Variants in FOXJ3 observed in about 807,000 individuals in gnomAD.
FOXJ3 encodes forkhead box protein J3.
In FOXJ3, 22 loss-of-function variants were observed where a neutral mutation model predicts 76.1. The ratio of observed to expected loss-of-function variants is 0.29; its 90% CI spans 0.21 to 0.41. The LOEUF is 0.41. Among genes scored for constraint, FOXJ3 ranks in the 10% least tolerant of loss-of-function variants. The probability of loss-of-function intolerance (pLI) is 1.00; values close to 1 mark genes in which losing one functional copy is unlikely to be tolerated. For synonymous variants in FOXJ3, 269 were observed against 261.2 expected, an observed-to-expected ratio of 1.03 and a Z score of -0.29; for missense variants, 613 against 762.1, an observed-to-expected ratio of 0.80 and a Z score of 2.30.
At chr1:42,316,333 C>CGTTTTTTTTTTTTT (rs1322633444) in intron 1 of FOXJ3, among the ~76,000 whole-genome samples, 5 of 73,912 alleles carry the variant, frequency 6.8e-5, no homozygotes, top group African/African-American at 2.2e-4. Flanking sequence ...TGCATTGGGC[C>CGTTTTTTTTTTTTT]TTTTTTTTTT....
intron 4 of FOXJ3, among the ~76,000 whole-genome samples, chr1:42,242,260 A>T (rs954876366): frequency 1.3e-5 from 2 of 152,156 alleles, no homozygotes; most frequent in African/African-American, 4.8e-5. Context: ...AATAGATTCC[A>T]ATGAAAACGA....
intron 4 of FOXJ3, among the ~76,000 whole-genome samples, chr1:42,244,707 G>T (rs1236622662): frequency 6.6e-6 from 1 of 151,294 alleles, no homozygotes; most frequent in Non-Finnish European, 1.5e-5. Flanking sequence ...AAAAGAAGAT[G>T]TAACAACTGA....
intron 1 of FOXJ3, among the ~76,000 whole-genome samples, chr1:42,325,855 C>T (rs1466230326): frequency 6.6e-6 from 1 of 152,212 alleles, no homozygotes; most frequent in Non-Finnish European, 1.5e-5. Flanking sequence ...ACTTAATACA[C>T]TCACAACTTG....
intron 4 of FOXJ3, 45 bp from the exon 5 acceptor site, chr1:42,228,011 A>G: frequency 1.0e-6 from 1 of 991,624 alleles, no homozygotes; most frequent in Non-Finnish European, 1.5e-6. Context: ...CAGCAAACCT[A>G]TGATATTAAA....
At chr1:42,258,352 G>A (rs1378094227) in intron 4 of FOXJ3, among the ~76,000 whole-genome samples, 1 of 152,142 alleles carries the variant, frequency 6.6e-6, no homozygotes, top group African/African-American at 2.4e-5. Context: ...CAGATCTAGA[G>A]CAACCATACT....
At chr1:42,332,455 A>C (rs1272440660) in intron 1 of FOXJ3, among the ~76,000 whole-genome samples, 2 of 152,234 alleles carry the variant, frequency 1.3e-5, no homozygotes, top group East Asian at 1.9e-4. Context: ...TCATACAGTA[A>C]GTAAATGTTA....
At chr1:42,315,331 G>C in intron 1 of FOXJ3, 1 of 635,578 alleles carries the variant, frequency 1.6e-6, no homozygotes, top group Non-Finnish European at 2.0e-6. Context: ...GAACTTCACA[G>C]TATGTGATTT....
At chr1:42,211,492 G>A (rs1170061980) in intron 5 of FOXJ3, among the ~76,000 whole-genome samples, 1 of 151,990 alleles carries the variant, frequency 6.6e-6, no homozygotes, top group Non-Finnish European at 1.5e-5. Context: ...ATTTCACCGA[G>A]AGCTTCCCTA....
At chr1:42,182,198 T>C (rs925650824) in intron 11 of FOXJ3, among the ~76,000 whole-genome samples, 174 bp from the exon 12 acceptor site, 1 of 152,220 alleles carries the variant, frequency 6.6e-6, no homozygotes, top group Non-Finnish European at 1.5e-5. Flanking sequence ...TCTTGGCCTT[T>C]TGAACAGGGT....
intron 5 of FOXJ3, among the ~76,000 whole-genome samples, chr1:42,217,259 A>C (rs927250669): frequency 6.6e-6 from 1 of 152,198 alleles, no homozygotes; most frequent in Non-Finnish European, 1.5e-5. Flanking sequence ...GGCTGGGTGC[A>C]GTGGCTCACT....
At chr1:42,251,085 G>A (rs906689087) in intron 4 of FOXJ3, among the ~76,000 whole-genome samples, 1 of 152,034 alleles carries the variant, frequency 6.6e-6, no homozygotes, top group African/African-American at 2.4e-5. Flanking sequence ...ATTGATCCTA[G>A]ATGAGCAGGC....
intron 6 of FOXJ3, among the ~76,000 whole-genome samples, chr1:42,204,341 T>G (rs1270066172): frequency 6.6e-6 from 1 of 152,056 alleles, no homozygotes; most frequent in Non-Finnish European, 1.5e-5. Flanking sequence ...TTTACACAGA[T>G]AGGCAGAAAG....
chr1:42,324,360 T>TATACTATATATACTATATATAACATATAA (rs1358887172), intron 1 of FOXJ3, among the ~76,000 whole-genome samples: 3 of 146,400 alleles, frequency 2.0e-5, no homozygotes, highest in African/African-American at 7.5e-5. Flanking sequence ...ACATAACATA[T>TATACTATATATACTATATATAACATATAA]ATACTATATA....
chr1:42,215,063 T>C (rs1186779623), intron 5 of FOXJ3, among the ~76,000 whole-genome samples: 6 of 152,142 alleles, frequency 3.9e-5, no homozygotes, highest in Non-Finnish European at 7.3e-5. Context: ...AAAAACATAA[T>C]ATTCACAATG....
intron 5 of FOXJ3, among the ~76,000 whole-genome samples, chr1:42,222,468 T>C (rs955148407): frequency 3.9e-5 from 6 of 152,160 alleles, no homozygotes; most frequent in Non-Finnish European, 8.8e-5. Context: ...TGTACATTCA[T>C]CCTACCTTAT....
intron 1 of FOXJ3, among the ~76,000 whole-genome samples, chr1:42,313,417 C>T (rs11210621): frequency 0.74 from 111,757 of 151,876 alleles, 41,267 homozygotes; most frequent in Admixed American, 0.81. Context: ...CCAATCTTGA[C>T]AGAAGCAAAT....
intron 3 of FOXJ3, among the ~76,000 whole-genome samples, chr1:42,270,450 G>GA (rs1435636096): frequency 3.3e-5 from 5 of 151,568 alleles, no homozygotes; most frequent in South Asian, 2.1e-4. Context: ...ATATCTGTTG[G>GA]AAAAAAAATA....
intron 9 of FOXJ3, chr1:42,189,894 C>T (rs1222152371): frequency 6.5e-6 from 1 of 153,234 alleles, no homozygotes; most frequent in Admixed American, 6.5e-5. Flanking sequence ...ACACATAGTA[C>T]AATTTAATGC....
At chr1:42,266,568 T>C (rs1036975959) in intron 3 of FOXJ3, among the ~76,000 whole-genome samples, 1 of 152,062 alleles carries the variant, frequency 6.6e-6, no homozygotes, top group African/African-American at 2.4e-5. Context: ...AGGCCAAGCG[T>C]GGGGCTGTCA....
Sources: gnomAD v4.1 joint callset for allele counts (sites outside exome capture counted in the v4.1 genomes callset) on GRCh38, gnomAD v4.1.1 for gene constraint, MANE v1.5 for transcripts, NCBI Gene and HGNC (gene_info 2026-07-23, HGNC 2026-07-21) for gene names.